Variants in ABCA12 observed in about 807,000 individuals in gnomAD.
The protein encoded by ABCA12 is glucosylceramide transporter ABCA12.
Under a neutral mutation model 293.5 loss-of-function variants are expected in ABCA12, and 156 were observed. The observed-to-expected ratio is 0.53, with a 90% CI of 0.47 to 0.61. The LOEUF (loss-of-function observed/expected upper bound fraction) is 0.61. Among genes scored for constraint, ABCA12 ranks in the 20% least tolerant of loss-of-function variants. ABCA12 has a pLI of 0.00. For synonymous variants in ABCA12, 1,063 were observed against 1,108.0 expected, an observed-to-expected ratio of 0.96 and a Z score of 0.81; for missense variants, 2,797 against 3,090.2, an observed-to-expected ratio of 0.91 and a Z score of 2.25.
Position 214,954,043 on chromosome 2 carries a change from C to G in ABCA12, c.6458G>C (p.Gly2153Ala). 1 of 1,613,868 alleles carries G rather than the reference C, an allele frequency of 6.2e-7. No homozygotes were observed. The highest frequency in any genetic ancestry group is 8.5e-7 in the Non-Finnish European group (1 of 1,179,964). The change falls in exon 44 of 53, where the codon GGC (glycine) becomes GCC (alanine). Residue 2153 changes from glycine (G) to alanine (A), a missense_variant. Transcript: ENST00000272895. The stretch of plus-strand genomic sequence containing the variant: ...TTGAGAAAGTTCAATCAAACCGTAG[C>G]CAAAACAGAATTGTGGGAAAATCAG... Reference protein sequence around the residue: ...IFLIFPQFCFGYGLIELSQQQ... With the variant: ...IFLIFPQFCFAYGLIELSQQQ...
In ABCA12 at chr2:214,955,552, A is replaced by T. The variant is rs956346506; in HGVS notation, c.6234-191T>A. ...ATGAAAATCAGCCAGGTGCGGTGGC[A>T]CGCACCTGTAGCCCTGGTTATTTGG... On this transcript the variant is annotated intron_variant, in intron 42 of 52. Coordinates refer to ENST00000272895, the MANE Select transcript of ABCA12 (RefSeq NM_173076.3). Among the ~76,000 whole-genome samples the T allele has an allele frequency of 1.1e-4, 16 of 152,162 alleles. No homozygotes were observed. In the East Asian group the frequency reaches 2.9e-3, roughly 28 times the overall value.
chr2:214,938,400 T>C (rs1187753971), intron 50 of ABCA12, among the ~76,000 whole-genome samples: 1 of 152,230 alleles, frequency 6.6e-6, no homozygotes, highest in African/African-American at 2.4e-5. Flanking sequence ...GTCTTTGCTA[T>C]TGTGAACAGT....
At chr2:215,027,007 C>A in intron 9 of ABCA12, 69 bp from the exon 10 acceptor site, 9 of 1,162,504 alleles carry the variant, frequency 7.7e-6, no homozygotes, top group Non-Finnish European at 1.2e-5. Context: ...TTGTTGAGAT[C>A]ATTTTGGTCC....
intron 2 of ABCA12, among the ~76,000 whole-genome samples, chr2:215,079,704 G>A (rs1701900019): frequency 8.6e-6 from 1 of 115,870 alleles, no homozygotes; most frequent in Non-Finnish European, 2.1e-5. Context: ...TTCCCCCTGG[G>A]CATCAGACTC....
At chr2:215,099,691 CA>C (rs66500510) in intron 2 of ABCA12, among the ~76,000 whole-genome samples, 92,860 of 117,850 alleles carry the variant, frequency 0.79, 35,647 homozygotes, top group East Asian at 0.91. Context: ...GACTTCATCT[CA>C]AAAAAAAAAA....
chr2:215,089,152 C>T (rs2970948), intron 2 of ABCA12, among the ~76,000 whole-genome samples: 150,482 of 152,016 alleles, frequency 0.99, 74,495 homozygotes, highest in Middle Eastern at 1. Flanking sequence ...GATTAACACC[C>T]ACTTTTTGTT....
At chr2:215,030,181 T>C (rs1700841348) in intron 9 of ABCA12, 1 of 152,192 alleles carries the variant, frequency 6.6e-6, no homozygotes, top group South Asian at 2.1e-4. Context: ...ATCAATGCTA[T>C]GGATGCCTCA....
At chr2:214,943,172 C>G (rs1166638378) in intron 49 of ABCA12, among the ~76,000 whole-genome samples, 155 bp from the exon 50 acceptor site, 3 of 152,044 alleles carry the variant, frequency 2.0e-5, no homozygotes, top group African/African-American at 7.3e-5. Context: ...GGGTGTCACT[C>G]TGTTGCCCAG....
intron 23 of ABCA12, among the ~76,000 whole-genome samples, chr2:214,996,740 A>G (rs570582640): frequency 1.3e-5 from 2 of 152,348 alleles, no homozygotes; most frequent in African/African-American, 4.8e-5. Context: ...CTGATGCTGA[A>G]CTAACAGAAA....
chr2:214,961,855 A>G (rs973632676), intron 39 of ABCA12: 1 of 152,210 alleles, frequency 6.6e-6, no homozygotes, highest in Admixed American at 6.5e-5. Flanking sequence ...TTTCTCTGAA[A>G]TGAAGACTCC....
At chr2:215,068,849 A>G (rs775986551) in intron 2 of ABCA12, among the ~76,000 whole-genome samples, 2 of 152,156 alleles carry the variant, frequency 1.3e-5, no homozygotes, top group African/African-American at 4.8e-5. Flanking sequence ...TCACTTCCGC[A>G]ATAAATTCAG....
chr2:215,134,321 T>A (rs186039954), intron 1 of ABCA12, among the ~76,000 whole-genome samples: 2 of 138,114 alleles, frequency 1.4e-5, no homozygotes, highest in African/African-American at 6.3e-5. Flanking sequence ...TGTGTATATA[T>A]GTATATATGT....
chr2:215,012,023 T>C lies in ABCA12; in HGVS notation c.2069A>G (p.Lys690Arg), dbSNP rs1574981953. 6.2e-7 allele frequency: 1 copy of C among 1,614,106 alleles called. No homozygotes were observed. The highest frequency in any genetic ancestry group is 1.1e-5 in the South Asian group (1 of 91,082). ...MASGTHPLLD[K>R]MRSLKQMHLP... is the part of the protein sequence containing the mutation. ...ATGCATTTGCTTCAGGGATCTCATT[T>C]TGTCTAGCAGCGGATGTGTGCCAGA... The change falls in exon 16 of 53, where the codon AAA becomes AGA. Residue 690 changes from lysine (K) to arginine (R), a missense_variant. Coordinates refer to ENST00000272895, the MANE Select transcript of ABCA12 (RefSeq NM_173076.3).
intron 6 of ABCA12, among the ~76,000 whole-genome samples, chr2:215,047,379 A>C (rs558189702): frequency 3.9e-5 from 6 of 152,336 alleles, no homozygotes; most frequent in African/African-American, 1.2e-4. Flanking sequence ...CTAACTTCAG[A>C]CTATACTGCA....
intron 51 of ABCA12, among the ~76,000 whole-genome samples, chr2:214,935,057 G>T (rs1165270748): frequency 6.6e-6 from 1 of 152,118 alleles, no homozygotes; most frequent in African/African-American, 2.4e-5. Flanking sequence ...ATCTACCCCT[G>T]TGACGCCAGT....
chr2:215,054,467 A>G lies in ABCA12; in HGVS notation c.409+106T>C, dbSNP rs534109401. ...GTTTAGATCTCACAGGGCTATTCTA[A>G]GCATTCCTTCTTTGTTTGAAAAGTT... On this transcript the variant is annotated intron_variant, in intron 4 of 52. Transcript: ENST00000272895. The G allele has an allele frequency of 1.2e-4, 123 of 992,836 alleles. No individual in the cohort carries two copies. In the African/African-American group the frequency reaches 1.8e-3, roughly 15 times the overall value. The allele number at this position is 992,836 out of a possible 1,614,324, so 61.5% of individuals were successfully genotyped here. A position where few individuals can be genotyped will look rare whatever the true frequency, so the allele number is the denominator to read the frequency against.
chr2:215,071,450 T>C (rs1335572407), intron 2 of ABCA12, among the ~76,000 whole-genome samples: 2 of 151,858 alleles, frequency 1.3e-5, no homozygotes, highest in Non-Finnish European at 2.9e-5. Context: ...ATGCCAGAGA[T>C]GGATCTAGAA....
In ABCA12 at chr2:214,978,431, A is replaced by G. The variant is rs1283709734; in HGVS notation, c.5013T>C (p.Asn1671=). The change falls in exon 33 of 53, where the codon AAT becomes AAC. Residue 1671 remains asparagine, a synonymous_variant. Transcript: ENST00000272895. ...FLNLTKESQK[N]SAMSLEHLTQ... is the part of the protein sequence containing the mutation. Reference sequence around the variant, plus strand: ...TTAAGTGCTCAAGACTCATAGCACTATTTTTTTGTGACTCTTTGGTCAAGT... The same window carrying G: ...TTAAGTGCTCAAGACTCATAGCACTGTTTTTTTGTGACTCTTTGGTCAAGT... 1 of 1,613,746 alleles carries G rather than the reference A, an allele frequency of 6.2e-7. No homozygotes were observed. Among genetic ancestry groups the G allele is most frequent in the Admixed American group, 1.7e-5 (1 of 59,980 alleles).
At chr2:215,045,457 GA>G (rs1409272702) in intron 7 of ABCA12, among the ~76,000 whole-genome samples, 1 of 152,144 alleles carries the variant, frequency 6.6e-6, no homozygotes, top group East Asian at 1.9e-4. Context: ...AAAACTCACT[GA>G]GATATTTTAT....
Sources: allele counts gnomAD v4.1 joint callset (sites outside exome capture counted in the v4.1 genomes callset), GRCh38; gene constraint gnomAD v4.1.1; transcripts MANE v1.5; gene names NCBI Gene and HGNC (gene_info 2026-07-23, HGNC 2026-07-21).